The following GRM1 variants were observed in gnomAD, a reference collection of about 807,000 sequenced individuals.
GRM1 encodes the protein glutamate metabotropic receptor 1, also known as metabotropic glutamate receptor 1.
GRM1 carries 33 observed loss-of-function variants against 90.9 expected under a neutral mutation model. That is an observed-to-expected ratio of 0.36 (90% CI 0.28 to 0.49). The LOEUF is 0.49. Among genes scored for constraint, GRM1 ranks in the 20% least tolerant of loss-of-function variants. GRM1 has a pLI of 0.99. For synonymous variants in GRM1, 700 were observed against 613.2 expected (o/e 1.14, Z -2.09); for missense variants, 1,190 against 1,534.3 (o/e 0.78, Z 3.75).
At chr6:146,061,389 T>A (rs1159667580) in intron 1 of GRM1, among the ~76,000 whole-genome samples, 1 of 152,098 alleles carries the variant, frequency 6.6e-6, no homozygotes, top group Admixed American at 6.6e-5. Flanking sequence ...GTTTGCACAT[T>A]GATTTATTGT....
chr6:146,175,764 A>G (rs2114525699), intron 2 of GRM1, among the ~76,000 whole-genome samples: 1 of 152,240 alleles, frequency 6.6e-6, no homozygotes. Context: ...AAAAAGATGT[A>G]TATGCTATAC....
At chr6:146,266,432 A>T (rs1367140444) in intron 2 of GRM1, among the ~76,000 whole-genome samples, 1 of 152,104 alleles carries the variant, frequency 6.6e-6, no homozygotes, top group Non-Finnish European at 1.5e-5. Flanking sequence ...ATCTCCCAGG[A>T]ACCCTTTTGT....
chr6:146,207,188 G>T (rs1779524541), intron 2 of GRM1, among the ~76,000 whole-genome samples: 1 of 152,160 alleles, frequency 6.6e-6, no homozygotes, highest in African/African-American at 2.4e-5. Context: ...TAATGGGGTT[G>T]CTGGGTCAAA....
intron 1 of GRM1, among the ~76,000 whole-genome samples, chr6:146,099,204 C>G (rs535612440): frequency 4.6e-5 from 7 of 152,148 alleles, no homozygotes; most frequent in African/African-American, 1.7e-4. Flanking sequence ...CTAGGCAACA[C>G]AGCAAAACCC....
At chr6:146,302,043 A>G (rs1266023169) in intron 2 of GRM1, among the ~76,000 whole-genome samples, 1 of 151,514 alleles carries the variant, frequency 6.6e-6, no homozygotes, top group African/African-American at 2.4e-5. Flanking sequence ...GGATTTATGC[A>G]CCCACCCCCA....
At chr6:146,205,601 C>G (rs1779468313) in intron 2 of GRM1, among the ~76,000 whole-genome samples, 1 of 152,146 alleles carries the variant, frequency 6.6e-6, no homozygotes, top group Non-Finnish European at 1.5e-5. Context: ...CATAACAATG[C>G]AGCATATTCT....
At chr6:146,250,144 T>C (rs1781220032) in intron 2 of GRM1, among the ~76,000 whole-genome samples, 2 of 152,164 alleles carry the variant, frequency 1.3e-5, no homozygotes, top group South Asian at 4.1e-4. Flanking sequence ...GGCCTTGTCA[T>C]AGGTGAGACT....
chr6:146,104,263 AC>A (rs1387524496), intron 1 of GRM1, among the ~76,000 whole-genome samples: 1 of 151,938 alleles, frequency 6.6e-6, no homozygotes, highest in African/African-American at 2.4e-5. Context: ...ACACGGTGAA[AC>A]CCCGTCTCTA....
intron 2 of GRM1, among the ~76,000 whole-genome samples, chr6:146,221,184 G>T (rs10457057): frequency 0.2 from 30,723 of 152,064 alleles, 3,940 homozygotes; most frequent in East Asian, 0.3. Flanking sequence ...TTTTTGTAAA[G>T]AATCAGAGAT....
chr6:146,144,858 G>A (rs2128885387), intron 1 of GRM1, among the ~76,000 whole-genome samples: 1 of 152,290 alleles, frequency 6.6e-6, no homozygotes. Context: ...GACCAGAATG[G>A]TAATAGAAAC....
intron 2 of GRM1, among the ~76,000 whole-genome samples, chr6:146,231,535 A>G (rs1780450807): frequency 6.6e-6 from 1 of 152,112 alleles, no homozygotes; most frequent in Non-Finnish European, 1.5e-5. Context: ...GCAAGAAATC[A>G]AAGGCAAGAT....
At chr6:146,409,867 T>C (rs77346414) in intron 7 of GRM1, among the ~76,000 whole-genome samples, 1,938 of 152,290 alleles carry the variant, frequency 0.013, 47 homozygotes, top group African/African-American at 0.045. Context: ...AAAATTAGGC[T>C]GAGCCCCTAG....
chr6:146,195,642 C>T (rs1416967766), intron 2 of GRM1, among the ~76,000 whole-genome samples: 1 of 152,196 alleles, frequency 6.6e-6, no homozygotes, highest in Non-Finnish European at 1.5e-5. Flanking sequence ...TTCTCTAATA[C>T]AAATTTACTA....
At chr6:146,226,998 A>G (rs1440503763) in intron 2 of GRM1, among the ~76,000 whole-genome samples, 1 of 152,116 alleles carries the variant, frequency 6.6e-6, no homozygotes, top group East Asian at 1.9e-4. Context: ...GGTTATATAC[A>G]AATAATCCTC....
At chr6:146,315,358 G>A (rs1201532942) in intron 3 of GRM1, among the ~76,000 whole-genome samples, 3 of 152,114 alleles carry the variant, frequency 2.0e-5, no homozygotes, top group African/African-American at 7.2e-5. Context: ...CTGCACTCCA[G>A]CCTGGGCAGC....
At chr6:146,358,129 A>G (rs1455219438) in intron 5 of GRM1, among the ~76,000 whole-genome samples, 2 of 152,236 alleles carry the variant, frequency 1.3e-5, no homozygotes, top group Admixed American at 6.5e-5. Context: ...CAGACTGCTT[A>G]TCATTTTCCG....
At chr6:146,217,620 T>C (rs1353623193) in intron 2 of GRM1, among the ~76,000 whole-genome samples, 1 of 152,214 alleles carries the variant, frequency 6.6e-6, no homozygotes, top group Non-Finnish European at 1.5e-5. Flanking sequence ...AGGTGCCTAC[T>C]GTGTGCCAGG....
intron 1 of GRM1, among the ~76,000 whole-genome samples, chr6:146,048,909 G>C (rs1346512495): frequency 6.6e-6 from 1 of 151,868 alleles, no homozygotes; most frequent in African/African-American, 2.4e-5. Flanking sequence ...TTAGCCTCTA[G>C]AACTGTGAGA....
chr6:146,299,016 C>G (rs1321555089), intron 2 of GRM1, among the ~76,000 whole-genome samples: 1 of 152,186 alleles, frequency 6.6e-6, no homozygotes, highest in Non-Finnish European at 1.5e-5. Flanking sequence ...TCAGTCATAG[C>G]TGCTTGTTCC....
Sources: gnomAD v4.1 joint callset for allele counts (sites outside exome capture counted in the v4.1 genomes callset) on GRCh38, gnomAD v4.1.1 for gene constraint, MANE v1.5 for transcripts, NCBI Gene and HGNC (gene_info 2026-07-23, HGNC 2026-07-21) for gene names.